The following DSCAM variants were observed in gnomAD, a reference collection of about 807,000 sequenced individuals.
The protein encoded by DSCAM is DS cell adhesion molecule.
In DSCAM, 47 loss-of-function variants were observed where a neutral mutation model predicts 217.7. That is an observed-to-expected ratio of 0.22 (90% CI 0.17 to 0.28). DSCAM has a LOEUF of 0.28. Ranked by LOEUF, DSCAM falls within the 10% of genes least tolerant of loss-of-function variation. DSCAM has a pLI of 1.00. For missense variants in DSCAM, 2,080 were observed against 2,618.3 expected, an observed-to-expected ratio of 0.79 and a Z score of 4.49; for synonymous variants, 1,056 against 1,015.3, an observed-to-expected ratio of 1.04 and a Z score of -0.76.
chr21:40,411,898 C>T (rs2075326647), intron 3 of DSCAM, among the ~76,000 whole-genome samples: 1 of 152,182 alleles, frequency 6.6e-6, no homozygotes, highest in Non-Finnish European at 1.5e-5. Context: ...CAAATCTCAT[C>T]TTGTAGCTCC....
intron 20 of DSCAM, among the ~76,000 whole-genome samples, chr21:40,094,160 A>AT (rs1387486155): frequency 6.6e-6 from 1 of 152,158 alleles, no homozygotes; most frequent in African/African-American, 2.4e-5. Context: ...AACAAGAACC[A>AT]GATTTACCCT....
chr21:40,080,351 T>G lies in DSCAM; in HGVS notation c.4232-11A>C. ...ACTGCAGTATGTATCCTGCAGAGAA[T>G]GAGAAAGATTCACATGAGCACTGTG... On this transcript the variant is annotated splice_polypyrimidine_tract_variant and intron_variant, in intron 24 of 32. Transcript: ENST00000400454. 6.4e-7 allele frequency: 1 copy of G among 1,569,260 alleles called. No homozygotes were observed. Among genetic ancestry groups the G allele is most frequent in the Non-Finnish European group, 8.7e-7 (1 of 1,152,720 alleles).
chr21:40,252,776 T>A (rs116930529), intron 11 of DSCAM, among the ~76,000 whole-genome samples: 1 of 152,140 alleles, frequency 6.6e-6, no homozygotes, highest in Non-Finnish European at 1.5e-5. Flanking sequence ...CAGATTCCCA[T>A]TAAAGGCTTA....
intron 1 of DSCAM, among the ~76,000 whole-genome samples, chr21:40,806,359 C>A (rs1601289310): frequency 1.3e-5 from 2 of 151,616 alleles, no homozygotes; most frequent in South Asian, 4.2e-4. Context: ...CCTGAAGATG[C>A]AAAAAAAAGT....
rs545327975 is a variant in DSCAM, at chr21:40,068,873, G to A, written c.4889-5974C>T. Reference sequence around the variant, plus strand: ...GGCTGAGGCAGGCGGATCACCTGAGGTTGTGAGTTCGAGACCAGCCTGACC... The same window carrying A: ...GGCTGAGGCAGGCGGATCACCTGAGATTGTGAGTTCGAGACCAGCCTGACC... On this transcript the variant is annotated intron_variant, in intron 27 of 32. Coordinates refer to ENST00000400454, the MANE Select transcript of DSCAM (RefSeq NM_001389.5). Among the ~76,000 whole-genome samples the A allele has an allele frequency of 2.5e-4, 38 of 152,120 alleles. No homozygotes were observed. In the South Asian group the frequency reaches 7.3e-3, roughly 29 times the overall value.
chr21:40,459,633 G>A (rs2075790268), intron 3 of DSCAM, among the ~76,000 whole-genome samples: 1 of 152,158 alleles, frequency 6.6e-6, no homozygotes, highest in Admixed American at 6.5e-5. Flanking sequence ...CATTGAGTAA[G>A]CGGAATGCAG....
intron 1 of DSCAM, among the ~76,000 whole-genome samples, chr21:40,811,381 T>G (rs1246495783): frequency 6.6e-6 from 1 of 152,258 alleles, no homozygotes; most frequent in Admixed American, 6.5e-5. Context: ...AATCCTGAAT[T>G]GACTCAGTCA....
At chr21:40,685,496 G>A (rs1406907924) in intron 3 of DSCAM, among the ~76,000 whole-genome samples, 1 of 152,178 alleles carries the variant, frequency 6.6e-6, no homozygotes, top group Non-Finnish European at 1.5e-5. Flanking sequence ...GAGTCTCCAG[G>A]AGCTCTCCTG....
chr21:40,222,764 T>C (rs1601456583), intron 11 of DSCAM, among the ~76,000 whole-genome samples: 1 of 152,318 alleles, frequency 6.6e-6, no homozygotes, highest in East Asian at 1.9e-4. Flanking sequence ...ACAGCAAATA[T>C]TGATAGATCC....
intron 11 of DSCAM, among the ~76,000 whole-genome samples, chr21:40,267,660 G>T (rs1003394610): frequency 6.6e-6 from 1 of 152,148 alleles, no homozygotes; most frequent in Non-Finnish European, 1.5e-5. Flanking sequence ...ATTTTGGGAG[G>T]CTGAGGCAGG....
chr21:40,135,911 C>A (rs1010836352), intron 18 of DSCAM, among the ~76,000 whole-genome samples: 5 of 152,216 alleles, frequency 3.3e-5, no homozygotes, highest in Non-Finnish European at 7.3e-5. Flanking sequence ...CCTGTGCCTT[C>A]TAGGAGTTGC....
chr21:40,812,938 G>A (rs1308919586), intron 1 of DSCAM, among the ~76,000 whole-genome samples: 10 of 152,182 alleles, frequency 6.6e-5, no homozygotes, highest in African/African-American at 1.4e-4. Flanking sequence ...AAAATTGCCT[G>A]CTAAATTCAA....
At chr21:40,083,799 T>G (rs1013357309) in intron 24 of DSCAM, 109 bp downstream of exon 24, 10 of 709,168 alleles carry the variant, frequency 1.4e-5, no homozygotes, top group African/African-American at 1.3e-4. Context: ...GACGTATTTT[T>G]GGGGGAGAAT....
At chr21:40,776,493 T>C (rs1373851886) in intron 1 of DSCAM, among the ~76,000 whole-genome samples, 1 of 151,992 alleles carries the variant, frequency 6.6e-6, no homozygotes, top group Non-Finnish European at 1.5e-5. Flanking sequence ...TACAAGAGGG[T>C]AAATTGATCT....
intron 19 of DSCAM, among the ~76,000 whole-genome samples, chr21:40,128,407 T>C (rs946200147): frequency 1.3e-5 from 2 of 151,880 alleles, no homozygotes; most frequent in African/African-American, 2.4e-5. Context: ...ATTCCTCCCA[T>C]GGGCAGGTTG....
At chr21:40,457,867 T>C (rs568681431) in intron 3 of DSCAM, among the ~76,000 whole-genome samples, 1 of 152,302 alleles carries the variant, frequency 6.6e-6, no homozygotes. Context: ...AGGAAAGCCA[T>C]GGCCATGTTC....
intron 3 of DSCAM, among the ~76,000 whole-genome samples, chr21:40,631,537 T>C (rs1203861258): frequency 6.6e-6 from 1 of 152,174 alleles, no homozygotes; most frequent in African/African-American, 2.4e-5. Flanking sequence ...CCAATAAGAC[T>C]TCCCAGTATT....
At position 40,353,656 on chromosome 21, in the gene DSCAM, G is replaced by A. The variant is rs1601579386; in HGVS notation, c.743C>T (p.Ala248Val). 3.7e-6 allele frequency: 6 copies of A among 1,610,842 alleles called. No individual in the cohort carries two copies. The highest frequency in any genetic ancestry group is 5.1e-6 in the Non-Finnish European group (6 of 1,179,134). Reference protein sequence around the residue: ...AGQRVELPCKALGHPEPDYRW... With the variant: ...AGQRVELPCKVLGHPEPDYRW... Reference sequence around the variant, plus strand: ...GTAATCTGGCTCAGGGTGCCCGAGCGCTTTGCAAGGCAGCTCCACACGCTG... The same window carrying A: ...GTAATCTGGCTCAGGGTGCCCGAGCACTTTGCAAGGCAGCTCCACACGCTG... The change falls in exon 5 of 33, where the codon GCG (alanine) becomes GTG (valine). Residue 248 changes from alanine (A) to valine (V), a missense_variant. This residue lies in a region of DSCAM where 568 missense variants were observed against 678.1 expected (regional missense o/e 0.84). Coordinates refer to ENST00000400454, the MANE Select transcript of DSCAM (RefSeq NM_001389.5).
At chr21:40,846,480 T>A in intron 1 of DSCAM, 139 bp downstream of exon 1, 2 of 311,000 alleles carry the variant, frequency 6.4e-6, no homozygotes, top group South Asian at 1.8e-4. Context: ...AAAAAATAAA[T>A]AAAAGCACGA....
Sources: allele counts gnomAD v4.1 joint callset (sites outside exome capture counted in the v4.1 genomes callset), GRCh38; gene constraint gnomAD v4.1.1; regional missense constraint gnomAD v4.1.1; transcripts MANE v1.5; gene names NCBI Gene and HGNC (gene_info 2026-07-23, HGNC 2026-07-21).